Variants in CADM2 observed in about 807,000 individuals in gnomAD.
The protein encoded by CADM2 is cell adhesion molecule 2.
In CADM2, 12 loss-of-function variants were observed where a neutral mutation model predicts 49.8. That is an observed-to-expected ratio of 0.24 (90% CI 0.15 to 0.39). The LOEUF (loss-of-function observed/expected upper bound fraction) is 0.39, where lower values mean the gene tolerates loss of function less well. Among genes scored for constraint, CADM2 ranks in the 10% least tolerant of loss-of-function variants. CADM2 has a pLI of 1.00. For synonymous variants in CADM2, 214 were observed against 175.4 expected (o/e 1.22, Z -1.74); for missense variants, 378 against 492.3 (o/e 0.77, Z 2.20).
chr3:85,091,095 G>T (rs2037578996), intron 1 of CADM2, among the ~76,000 whole-genome samples: 1 of 152,036 alleles, frequency 6.6e-6, no homozygotes, highest in Non-Finnish European at 1.5e-5. Context: ...TAAATCTATT[G>T]GCTATTCTTA....
intron 1 of CADM2, among the ~76,000 whole-genome samples, chr3:85,015,475 A>C (rs1028993443): frequency 6.6e-6 from 1 of 152,168 alleles, no homozygotes; most frequent in African/African-American, 2.4e-5. Flanking sequence ...TGGCAATTCA[A>C]TTGTTTCTGA....
chr3:85,971,943 T>C (rs1266700122), intron 8 of CADM2, among the ~76,000 whole-genome samples: 3 of 151,630 alleles, frequency 2.0e-5, no homozygotes, highest in African/African-American at 7.3e-5. Flanking sequence ...TTCCATTTAG[T>C]ATGAGAAACC....
intron 1 of CADM2, among the ~76,000 whole-genome samples, chr3:85,641,935 A>G (rs1332209230): frequency 6.6e-6 from 1 of 152,132 alleles, no homozygotes; most frequent in East Asian, 1.9e-4. Flanking sequence ...CGTCTCAAAA[A>G]AAATTAAAAA....
chr3:85,379,802 T>TTTGTA (rs567791759), intron 1 of CADM2, among the ~76,000 whole-genome samples: 1 of 152,168 alleles, frequency 6.6e-6, no homozygotes, highest in South Asian at 2.1e-4. Flanking sequence ...TTAAATTCAT[T>TTTGTA]TTGTATTACT....
Position 85,245,934 on chromosome 3 carries a change from C to T in CADM2, c.61+286266C>T, listed in dbSNP as rs114615058. On this transcript the variant is annotated intron_variant, in intron 1 of 9. Coordinates refer to ENST00000383699, the MANE Select transcript of CADM2 (RefSeq NM_001167675.2). ...AAATACCAAAATTCACCTAGCTAGTCAGTGGTAACTAAAGAACTAAAAACT... is the reference window on the plus strand; with the variant it reads ...AAATACCAAAATTCACCTAGCTAGTTAGTGGTAACTAAAGAACTAAAAACT... 5.5e-3 allele frequency among the ~76,000 whole-genome samples: 844 copies of T among 152,230 alleles called. 3 individuals carry two copies. The highest frequency in any genetic ancestry group is 9.6e-3 in the Non-Finnish European group (656 of 68,004).
chr3:85,892,484 G>A (rs542349007), intron 5 of CADM2, among the ~76,000 whole-genome samples: 1 of 152,092 alleles, frequency 6.6e-6, no homozygotes. Context: ...TGAATCATGG[G>A]GGTGTGTTTT....
At chr3:85,048,257 G>A (rs2035744114) in intron 1 of CADM2, among the ~76,000 whole-genome samples, 1 of 152,128 alleles carries the variant, frequency 6.6e-6, no homozygotes, top group Admixed American at 6.5e-5. Context: ...TTGTCTTAAA[G>A]AATCAATAAG....
intron 1 of CADM2, among the ~76,000 whole-genome samples, chr3:85,627,370 T>G (rs1236727154): frequency 6.6e-6 from 1 of 152,040 alleles, no homozygotes; most frequent in Non-Finnish European, 1.5e-5. Flanking sequence ...TGATTGTGTG[T>G]GTAGATATGT....
intron 1 of CADM2, among the ~76,000 whole-genome samples, chr3:85,594,650 T>C (rs1424722933): frequency 1.3e-5 from 2 of 151,988 alleles, no homozygotes; most frequent in African/African-American, 4.8e-5. Flanking sequence ...AAGAAATACA[T>C]ATGTGACAGA....
At chr3:85,699,597 G>C (rs1031847644) in intron 1 of CADM2, among the ~76,000 whole-genome samples, 3 of 152,172 alleles carry the variant, frequency 2.0e-5, no homozygotes, top group Non-Finnish European at 2.9e-5. Context: ...AGCTTTACCT[G>C]GGCCTCTTTG....
At chr3:85,708,623 A>T (rs2067021066) in intron 1 of CADM2, among the ~76,000 whole-genome samples, 1 of 152,206 alleles carries the variant, frequency 6.6e-6, no homozygotes, top group African/African-American at 2.4e-5. Flanking sequence ...CTACTCCAGA[A>T]ATCTTATTTT....
chr3:85,761,019 A>T (rs1467301639), intron 2 of CADM2, among the ~76,000 whole-genome samples: 1 of 152,156 alleles, frequency 6.6e-6, no homozygotes, highest in African/African-American at 2.4e-5. Context: ...ATTAGAGTTA[A>T]TGCCTTGGCC....
chr3:85,046,963 A>G (rs904059948), intron 1 of CADM2, among the ~76,000 whole-genome samples: 5 of 152,118 alleles, frequency 3.3e-5, no homozygotes, highest in African/African-American at 9.7e-5. Context: ...AAAATAATAA[A>G]CAATAGCTTA....
chr3:85,253,108 A>C (rs2042811050), intron 1 of CADM2, among the ~76,000 whole-genome samples: 1 of 152,110 alleles, frequency 6.6e-6, no homozygotes, highest in Non-Finnish European at 1.5e-5. Flanking sequence ...TCTAAATTTA[A>C]AATTTTGCAC....
rs575284412 is a variant in CADM2, at chr3:84,989,817, G to A, written c.61+30149G>A. On this transcript the variant is annotated intron_variant, in intron 1 of 9. Coordinates refer to ENST00000383699, the MANE Select transcript of CADM2 (RefSeq NM_001167675.2). Reference sequence around the variant, plus strand: ...TAGCACCTTGCTTGTCACATGATAAGGACTCCATAAATATTAAGTATTGTG... The same window carrying A: ...TAGCACCTTGCTTGTCACATGATAAAGACTCCATAAATATTAAGTATTGTG... Among the ~76,000 whole-genome samples, 16 of 151,910 alleles carry A rather than the reference G, an allele frequency of 1.1e-4. No individual in the cohort carries two copies. The South Asian group carries it at 3.3e-3, about 32-fold the overall frequency.
intron 1 of CADM2, among the ~76,000 whole-genome samples, chr3:84,986,660 G>C (rs1003537068): frequency 2.6e-5 from 4 of 151,672 alleles, no homozygotes; most frequent in African/African-American, 9.7e-5. Flanking sequence ...GCTAAATGAC[G>C]AGTTAACGGG....
At chr3:85,227,283 A>C (rs2042183705) in intron 1 of CADM2, among the ~76,000 whole-genome samples, 2 of 152,016 alleles carry the variant, frequency 1.3e-5, no homozygotes, top group Admixed American at 1.3e-4. Flanking sequence ...GTCTCTAAGA[A>C]CTTGCTTTAT....
At chr3:85,836,378 A>T (rs538735771) in intron 3 of CADM2, among the ~76,000 whole-genome samples, 1 of 151,760 alleles carries the variant, frequency 6.6e-6, no homozygotes, top group South Asian at 2.1e-4. Flanking sequence ...TCAGGTTTTG[A>T]TTCTTTCTAT....
intron 1 of CADM2, among the ~76,000 whole-genome samples, chr3:85,468,070 C>T (rs1177663904): frequency 7.5e-6 from 1 of 133,908 alleles, no homozygotes; most frequent in Admixed American, 8.9e-5. Context: ...AGGAGAATGG[C>T]GTGAACCCGG....
Sources: allele counts gnomAD v4.1 joint callset (sites outside exome capture counted in the v4.1 genomes callset), GRCh38; gene constraint gnomAD v4.1.1; transcripts MANE v1.5; gene names NCBI Gene and HGNC (gene_info 2026-07-23, HGNC 2026-07-21).